The following ESRP1 variants were observed in gnomAD, a reference collection of about 807,000 sequenced individuals.
The protein encoded by ESRP1 is RNA-binding motif protein 35A.
A neutral mutation model predicts 81.7 loss-of-function variants in ESRP1; 33 were observed. That is an observed-to-expected ratio of 0.40 (90% confidence interval 0.31 to 0.54). The LOEUF (loss-of-function observed/expected upper bound fraction) is 0.54, where lower values mean the gene tolerates loss of function less well. Ranked by LOEUF, ESRP1 falls within the 20% of genes least tolerant of loss-of-function variation. ESRP1 has a pLI of 0.41. For missense variants in ESRP1, 672 were observed against 833.1 expected (o/e 0.81, Z 2.38); for synonymous variants, 320 against 303.3 (o/e 1.06, Z -0.57).
At chr8:94,705,856 G>C (rs1318028547) in intron 15 of ESRP1, 69 bp from the exon 16 acceptor site, 4 of 1,326,258 alleles carry the variant, frequency 3.0e-6, no homozygotes, top group Non-Finnish European at 4.1e-6. Flanking sequence ...TCATTTTTGT[G>C]GCTGCTGAGA....
intron 15 of ESRP1, among the ~76,000 whole-genome samples, chr8:94,705,141 T>G (rs561155266): frequency 8.3e-4 from 125 of 150,418 alleles, no homozygotes; most frequent in African/African-American, 3.0e-3. Flanking sequence ...TTTGCTGTTA[T>G]GTCATGCCTT....
At chr8:94,684,050 T>C (rs1349387140) in intron 13 of ESRP1, among the ~76,000 whole-genome samples, 4 of 152,184 alleles carry the variant, frequency 2.6e-5, no homozygotes, top group African/African-American at 4.8e-5. Flanking sequence ...TTTGTCCATG[T>C]TGGTCAAGCT....
chr8:94,683,908 C>T (rs1470144612), intron 13 of ESRP1, among the ~76,000 whole-genome samples: 3 of 152,164 alleles, frequency 2.0e-5, no homozygotes, highest in South Asian at 4.1e-4. Flanking sequence ...ACTTCAATGG[C>T]GCGATCTCAG....
At chr8:94,656,273 C>T (rs1010887463) in intron 4 of ESRP1, 3 of 151,498 alleles carry the variant, frequency 2.0e-5, no homozygotes, top group African/African-American at 4.9e-5. Context: ...GGCTGGAGTA[C>T]AGTGGCGCGA....
intron 13 of ESRP1, among the ~76,000 whole-genome samples, chr8:94,682,364 A>T (rs12543234): frequency 0.34 from 51,958 of 151,742 alleles, 9,539 homozygotes; most frequent in East Asian, 0.56. Flanking sequence ...AGTAACATCA[A>T]CTTTTTTGTC....
chr8:94,652,313 T>C (rs1818183466), intron 4 of ESRP1, among the ~76,000 whole-genome samples: 2 of 152,098 alleles, frequency 1.3e-5, no homozygotes, highest in Admixed American at 6.6e-5. Context: ...ATGTTGGTGT[T>C]AGGCCTTTGA....
intron 13 of ESRP1, among the ~76,000 whole-genome samples, chr8:94,690,208 T>C (rs952876515): frequency 6.0e-5 from 9 of 150,386 alleles, no homozygotes; most frequent in Admixed American, 5.3e-4. Flanking sequence ...ATTCCTGGCC[T>C]AAAGTGATCA....
intron 1 of ESRP1, chr8:94,641,687 G>T: frequency 1.4e-6 from 1 of 740,570 alleles, no homozygotes; most frequent in Non-Finnish European, 2.1e-6. Flanking sequence ...TACCGAGCCG[G>T]GTTCTTTGCC....
At chr8:94,652,240 G>A (rs1375929519) in intron 4 of ESRP1, among the ~76,000 whole-genome samples, 1 of 151,770 alleles carries the variant, frequency 6.6e-6, no homozygotes, top group Non-Finnish European at 1.5e-5. Flanking sequence ...TGCCCTCCTC[G>A]GCTTCTCAAA....
intron 6 of ESRP1, among the ~76,000 whole-genome samples, chr8:94,663,626 T>C (rs1818869704): frequency 6.6e-6 from 1 of 152,180 alleles, no homozygotes; most frequent in African/African-American, 2.4e-5. Context: ...CAGGTAGACC[T>C]GTTTGTAAAT....
intron 6 of ESRP1, among the ~76,000 whole-genome samples, chr8:94,663,116 T>C (rs1778130647): frequency 6.6e-6 from 1 of 152,212 alleles, no homozygotes; most frequent in Admixed American, 6.5e-5. Flanking sequence ...ATATCTGTGA[T>C]TGTTATTTTG....
At chr8:94,647,116 G>C (rs778420475) in intron 4 of ESRP1, among the ~76,000 whole-genome samples, 93 of 152,032 alleles carry the variant, frequency 6.1e-4, no homozygotes, top group Non-Finnish European at 1.2e-3. Flanking sequence ...ATTAAAACCT[G>C]GTTTTTGTGT....
chr8:94,693,153 A>C (rs1045001976), intron 14 of ESRP1, among the ~76,000 whole-genome samples: 15 of 152,354 alleles, frequency 9.8e-5, no homozygotes, highest in East Asian at 5.8e-4. Flanking sequence ...AGGATTGGCT[A>C]AGGGGTTTTA....
chr8:94,662,285 G>A lies in ESRP1; in HGVS notation c.504G>A (p.Glu168=), dbSNP rs1428367769. 1.9e-6 allele frequency: 3 copies of A among 1,565,390 alleles called. No homozygotes were observed. Among genetic ancestry groups the A allele is most frequent in the Non-Finnish European group, 2.6e-6 (3 of 1,154,090 alleles). The stretch of plus-strand genomic sequence containing the variant: ...TTAATCTCACAGATTTAAATTTTGA[G>A]AAGAGTAGTTCAGTCTCTCGATATG... ...VATMTEYLNF[E]KSSSVSRYGA... is the part of the protein sequence containing the mutation. Residue 168 remains glutamate, a synonymous_variant, in exon 5 of 16, where the codon GAG becomes GAA. Coordinates refer to ENST00000433389, the MANE Select transcript of ESRP1 (RefSeq NM_017697.4).
intron 13 of ESRP1, among the ~76,000 whole-genome samples, chr8:94,678,963 G>A (rs1808754216): frequency 6.6e-6 from 1 of 152,204 alleles, no homozygotes; most frequent in Non-Finnish European, 1.5e-5. Flanking sequence ...CAGTCTGGGA[G>A]TTGGGAGACT....
Position 94,705,975 on chromosome 8 carries a change from C to G in ESRP1, c.*86C>G. The stretch of plus-strand genomic sequence containing the variant: ...GAAACCTCCAGACACAAGAAAACTT[C>G]TAGCAAATTCAGGGGAAGTTTGTCT... On this transcript the variant is annotated 3_prime_UTR_variant, in exon 16 of 16. Transcript: ENST00000433389. The G allele has an allele frequency of 1.3e-6, 2 of 1,511,220 alleles. No individual in the cohort carries two copies. Among genetic ancestry groups the G allele is most frequent in the Non-Finnish European group, 8.8e-7 (1 of 1,132,474 alleles). The allele number at this position is 1,511,220 out of a possible 1,614,324, so 93.6% of individuals were successfully genotyped here.
chr8:94,658,755 A>G (rs556382593), intron 4 of ESRP1, among the ~76,000 whole-genome samples: 4 of 152,308 alleles, frequency 2.6e-5, no homozygotes, highest in East Asian at 1.9e-4. Context: ...TGCAATCTCC[A>G]TTCTTCTGTA....
At chr8:94,650,799 G>A (rs1006978110) in intron 4 of ESRP1, among the ~76,000 whole-genome samples, 3 of 138,280 alleles carry the variant, frequency 2.2e-5, no homozygotes, top group Non-Finnish European at 5.0e-5. Context: ...TGCAAGCACC[G>A]CCTCCAGGTT....
intron 15 of ESRP1, among the ~76,000 whole-genome samples, chr8:94,698,348 T>G (rs561015537): frequency 6.6e-6 from 1 of 152,374 alleles, no homozygotes; most frequent in South Asian, 2.1e-4. Flanking sequence ...CTAAGCAGAC[T>G]GATTTGTCCT....
Sources: allele counts gnomAD v4.1 joint callset (sites outside exome capture counted in the v4.1 genomes callset), GRCh38; gene constraint gnomAD v4.1.1; transcripts MANE v1.5; gene names NCBI Gene and HGNC (gene_info 2026-07-23, HGNC 2026-07-21).